The following POU1F1 variants were observed in gnomAD, a reference collection of about 807,000 sequenced individuals.
The protein encoded by POU1F1 is pituitary-specific positive transcription factor 1.
In POU1F1, 23 loss-of-function variants were observed where a neutral mutation model predicts 32.3. That is an observed-to-expected ratio of 0.71 (90% CI 0.51 to 1.01). The LOEUF is 1.01. Ranked by LOEUF, POU1F1 falls within the 50% of genes least tolerant of loss-of-function variation. POU1F1 has a pLI of 0.00. For missense variants in POU1F1, 323 were observed against 341.6 expected (o/e 0.95, Z 0.43); for synonymous variants, 120 against 115.6 (o/e 1.04, Z -0.25).
intron 1 of POU1F1, among the ~76,000 whole-genome samples, chr3:87,274,040 T>A (rs146614554): frequency 6.6e-6 from 1 of 152,170 alleles, no homozygotes; most frequent in Non-Finnish European, 1.5e-5. Context: ...TGTAACAATA[T>A]ATGATCTATT....
rs1559614345 is a variant in POU1F1 at position 87,261,347 on chromosome 3, A to C, written c.605-14T>G. On this transcript the variant is annotated splice_polypyrimidine_tract_variant and intron_variant, in intron 4 of 5. Coordinates refer to ENST00000350375, the MANE Select transcript of POU1F1 (RefSeq NM_000306.4). ...CATTGTACAAAGCTATAATGTGGAA[A>C]AGAGAGATAATTACAAACACAAAGT... is the stretch of plus-strand genomic sequence containing the variant. 6.4e-7 allele frequency: 1 copy of C among 1,570,708 alleles called. No homozygotes were observed. The highest frequency in any genetic ancestry group is 8.7e-7 in the Non-Finnish European group (1 of 1,146,922).
chr3:87,263,773 TGAC>T (rs757557436), intron 3 of POU1F1, among the ~76,000 whole-genome samples: 3 of 151,978 alleles, frequency 2.0e-5, no homozygotes, highest in African/African-American at 2.4e-5. Context: ...AAGTGGAACT[TGAC>T]AGCCCCACAA....
Position 87,259,592 on chromosome 3 carries a change from T to C in POU1F1, c.*302A>G. 2 of 339,024 alleles carry C rather than the reference T, an allele frequency of 5.9e-6. No individual in the cohort carries two copies. Among genetic ancestry groups the C allele is most frequent in the South Asian group, 6.1e-5 (2 of 32,778 alleles). The allele number at this position is 339,024 out of a possible 1,614,324, so 21.0% of individuals were successfully genotyped here. On this transcript the variant is annotated 3_prime_UTR_variant, in exon 6 of 6. Transcript: ENST00000350375. ...TTTGGAAAAGGAACTTATAAACCCATACTCATATGTCTGCGTGTGTGTGAG... is the reference window on the plus strand; with the variant it reads ...TTTGGAAAAGGAACTTATAAACCCACACTCATATGTCTGCGTGTGTGTGAG...
chr3:87,267,446 A>G (rs544078117), intron 2 of POU1F1, among the ~76,000 whole-genome samples: 1 of 152,170 alleles, frequency 6.6e-6, no homozygotes, highest in African/African-American at 2.4e-5. Context: ...CAGGCAGTCT[A>G]TACTCAGGCA....
chr3:87,270,244 A>G lies in POU1F1; in HGVS notation c.214+3103T>C, dbSNP rs369616549. 2.0e-4 allele frequency among the ~76,000 whole-genome samples: 30 copies of G among 152,304 alleles called. 1 individual carries two copies. The highest frequency in any genetic ancestry group is 6.7e-4 in the African/African-American group (28 of 41,570). On this transcript the variant is annotated intron_variant, in intron 2 of 5. Transcript: ENST00000350375. ...CATTTTGAGCTGACACAAATTTGCT[A>G]CTACTCAACCCCAGTAGAGTTGTAG...
In POU1F1 at chr3:87,276,543, A is replaced by G; in HGVS notation, c.-81T>C. The G allele has an allele frequency of 1.3e-6, 2 of 1,507,958 alleles. No individual in the cohort carries two copies. Among genetic ancestry groups the G allele is most frequent in the Non-Finnish European group, 1.8e-6 (2 of 1,106,068 alleles). 93.4% of individuals were successfully genotyped at this position (1,507,958 alleles called of 1,614,324 possible). ...ATTATATTACTGTCTCAAAGGGCCG[A>G]TTCAATTCTCACTACCTGCATATAT... On this transcript the variant is annotated 5_prime_UTR_variant, in exon 1 of 6. Coordinates refer to ENST00000350375, the MANE Select transcript of POU1F1 (RefSeq NM_000306.4).
At chr3:87,268,528 GT>G (rs1706668951) in intron 2 of POU1F1, among the ~76,000 whole-genome samples, 1 of 152,124 alleles carries the variant, frequency 6.6e-6, no homozygotes, top group African/African-American at 2.4e-5. Context: ...ACGAACCTCT[GT>G]TTCTAGCATC....
chr3:87,274,281 A>C (rs1706786121), intron 1 of POU1F1, among the ~76,000 whole-genome samples: 1 of 152,170 alleles, frequency 6.6e-6, no homozygotes, highest in Admixed American at 6.6e-5. Flanking sequence ...ATCAAGTTTT[A>C]AACACAAATC....
At chr3:87,271,095 T>C (rs1311150289) in intron 2 of POU1F1, among the ~76,000 whole-genome samples, 3 of 152,138 alleles carry the variant, frequency 2.0e-5, no homozygotes, top group African/African-American at 7.2e-5. Flanking sequence ...GTGTAAGTCT[T>C]CTGCTCTTGA....
At chr3:87,268,164 T>C (rs1706660314) in intron 2 of POU1F1, among the ~76,000 whole-genome samples, 1 of 147,608 alleles carries the variant, frequency 6.8e-6, no homozygotes. Flanking sequence ...CTGAAACCTA[T>C]GCCTCCTAGC....
intron 2 of POU1F1, among the ~76,000 whole-genome samples, chr3:87,268,971 A>G (rs1432084052): frequency 6.6e-6 from 1 of 152,202 alleles, no homozygotes; most frequent in Non-Finnish European, 1.5e-5. Context: ...TCTTTGCAGC[A>G]TGTGGTTAGC....
chr3:87,260,339 G>C (rs1007612096), intron 5 of POU1F1, among the ~76,000 whole-genome samples: 1 of 152,106 alleles, frequency 6.6e-6, no homozygotes, highest in Non-Finnish European at 1.5e-5. Flanking sequence ...CATTAAGTAG[G>C]GGACCCAGAC....
At chr3:87,261,710 A>C (rs1024703200) in intron 4 of POU1F1, among the ~76,000 whole-genome samples, 1 of 152,090 alleles carries the variant, frequency 6.6e-6, no homozygotes, top group East Asian at 1.9e-4. Flanking sequence ...GGTGTGTGCA[A>C]ATGTTTTGTG....
chr3:87,270,775 A>G (rs1706708006), intron 2 of POU1F1, among the ~76,000 whole-genome samples: 1 of 152,046 alleles, frequency 6.6e-6, no homozygotes, highest in African/African-American at 2.4e-5. Context: ...TCTCTTATTT[A>G]CCTTTTCTCT....
chr3:87,266,239 A>G (rs9823893), intron 2 of POU1F1, among the ~76,000 whole-genome samples: 46 of 146,798 alleles, frequency 3.1e-4, no homozygotes, highest in African/African-American at 1.1e-3. Flanking sequence ...TAATTTATTT[A>G]TATAAAATTT....
Position 87,262,074 on chromosome 3 carries a change from C to T in POU1F1, c.601G>A (p.Gly201Arg). 1 of 1,614,086 alleles carries T rather than the reference C, an allele frequency of 6.2e-7. No individual in the cohort carries two copies. Residue 201 changes from glycine (G) to arginine (R), a missense_variant, in exon 4 of 6, where the codon GGA becomes AGA. Gly to Arg is a moderately radical substitution (Grantham distance 125). Transcript: ENST00000350375. ...SKWLEEAEQV[G>R]ALYNEKVGAN... ...CTTCAGAGACACAATTTAGTACCTC[C>T]TACTTGCTCAGCTTCCTCCAGCCAT... is the stretch of plus-strand genomic sequence containing the variant.
intron 3 of POU1F1, among the ~76,000 whole-genome samples, chr3:87,262,605 T>G (rs558303144): frequency 3.0e-4 from 45 of 152,162 alleles, no homozygotes; most frequent in African/African-American, 1.1e-3. Flanking sequence ...CTCAAAAAAT[T>G]TTAATATATT....
At chr3:87,269,359 G>T (rs1421260056) in intron 2 of POU1F1, among the ~76,000 whole-genome samples, 1 of 152,056 alleles carries the variant, frequency 6.6e-6, no homozygotes, top group Admixed American at 6.6e-5. Context: ...TTACTGTCTG[G>T]TTCTTTACAG....
rs911120904 is a variant in POU1F1, at chr3:87,259,600, T to C, written c.*294A>G. 1.4e-5 allele frequency: 5 copies of C among 363,332 alleles called. No homozygotes were observed. Among genetic ancestry groups the C allele is most frequent in the Middle Eastern group, 8.6e-4 (1 of 1,162 alleles). 22.5% of individuals were successfully genotyped at this position (363,332 alleles called of 1,614,324 possible). A position where few individuals can be genotyped will look rare whatever the true frequency, so the allele number is the denominator to read the frequency against. On this transcript the variant is annotated 3_prime_UTR_variant, in exon 6 of 6. Coordinates refer to ENST00000350375, the MANE Select transcript of POU1F1 (RefSeq NM_000306.4). ...AGGAACTTATAAACCCATACTCATATGTCTGCGTGTGTGTGAGAAAGAGAG... is the reference window on the plus strand; with the variant it reads ...AGGAACTTATAAACCCATACTCATACGTCTGCGTGTGTGTGAGAAAGAGAG...
Sources: allele counts gnomAD v4.1 joint callset (sites outside exome capture counted in the v4.1 genomes callset), GRCh38; gene constraint gnomAD v4.1.1; transcripts MANE v1.5; gene names NCBI Gene and HGNC (gene_info 2026-07-23, HGNC 2026-07-21).